PTN: variants seen among roughly 807,000 people sequenced by gnomAD.
PTN encodes the protein pleiotrophin.
Under a neutral mutation model 24.1 loss-of-function variants are expected in PTN, and 18 were observed. That is an observed-to-expected ratio of 0.75 (90% CI 0.52 to 1.11). PTN has a LOEUF of 1.11. Among genes scored for constraint, PTN ranks in the 50% least tolerant of loss-of-function variants. PTN has a pLI of 0.00. For synonymous variants in PTN, 78 were observed against 68.6 expected (o/e 1.14, Z -0.67); for missense variants, 163 against 198.8 (o/e 0.82, Z 1.08).
Position 137,227,889 on chromosome 7 carries a change from C to G in PTN, c.*131G>C. On this transcript the variant is annotated 3_prime_UTR_variant, in exon 5 of 5. Transcript: ENST00000348225. ...AACGCTACTACAAAAATTTTCTTTT[C>G]TTTTTGTTTTTGCTTATTGTGTACT... The G allele has an allele frequency of 7.7e-7, 1 of 1,298,450 alleles. No homozygotes were observed. The highest frequency in any genetic ancestry group is 2.5e-5 in the East Asian group (1 of 39,686). The allele number at this position is 1,298,450 out of a possible 1,614,324, so 80.4% of individuals were successfully genotyped here. A position where few individuals can be genotyped will look rare whatever the true frequency, so the allele number is the denominator to read the frequency against.
chr7:137,323,285 C>T (rs774272307), intron 1 of PTN, among the ~76,000 whole-genome samples: 7 of 152,160 alleles, frequency 4.6e-5, no homozygotes, highest in Non-Finnish European at 1.0e-4. Context: ...AACTAGAAAG[C>T]AAATTTGTTA....
intron 1 of PTN, among the ~76,000 whole-genome samples, chr7:137,262,636 C>T (rs1016052069): frequency 6.6e-6 from 1 of 152,096 alleles, no homozygotes; most frequent in Non-Finnish European, 1.5e-5. Flanking sequence ...TGCTCAACTT[C>T]TGTCCCTTTT....
chr7:137,324,875 T>C (rs1295871743), intron 1 of PTN: 1 of 152,172 alleles, frequency 6.6e-6, no homozygotes, highest in South Asian at 2.1e-4. Flanking sequence ...AATTTGTGAA[T>C]AGTAAAATAT....
chr7:137,236,240 T>A (rs1808518784), intron 4 of PTN: 1 of 702,364 alleles, frequency 1.4e-6, no homozygotes, highest in Non-Finnish European at 2.6e-6. Flanking sequence ...CATTTTCCCT[T>A]CTCTATAAGA....
chr7:137,341,512 G>A (rs1810533769), intron 1 of PTN, among the ~76,000 whole-genome samples: 1 of 149,072 alleles, frequency 6.7e-6, no homozygotes, highest in Non-Finnish European at 1.5e-5. Context: ...AATATAGTTA[G>A]GTATACCTTA....
At chr7:137,259,080 G>A (rs1808986321) in intron 1 of PTN, among the ~76,000 whole-genome samples, 1 of 152,056 alleles carries the variant, frequency 6.6e-6, no homozygotes, top group Non-Finnish European at 1.5e-5. Context: ...ATATTTGGGT[G>A]CTGGTGTCTG....
Position 137,343,463 on chromosome 7 carries a change from G to A in PTN, c.-26C>T, listed in dbSNP as rs771870885. ...CTTTGAGTTGGAAACGTCCTCTCTG[G>A]CGCTCAGTCTGCCTTTGTTGCAAGG... On this transcript the variant is annotated 5_prime_UTR_variant, in exon 1 of 5. Transcript: ENST00000348225. The A allele has an allele frequency of 5.8e-6, 3 of 518,058 alleles. No individual in the cohort carries two copies. The highest frequency in any genetic ancestry group is 1.2e-5 in the Non-Finnish European group (3 of 259,516). The allele number at this position is 518,058 out of a possible 1,614,324, so 32.1% of individuals were successfully genotyped here. A position where few individuals can be genotyped will look rare whatever the true frequency, so the allele number is the denominator to read the frequency against.
intron 4 of PTN, among the ~76,000 whole-genome samples, chr7:137,247,429 A>G (rs1467469185): frequency 2.6e-5 from 4 of 152,234 alleles, no homozygotes; most frequent in African/African-American, 7.2e-5. Context: ...AAAGAGAAAC[A>G]TTGCGTGTAC....
chr7:137,253,491 G>C lies in PTN; in HGVS notation c.262C>G (p.Pro88Ala), dbSNP rs1808864645. The C allele has an allele frequency of 2.5e-6, 4 of 1,610,008 alleles. No homozygotes were observed. In the South Asian group the frequency reaches 4.4e-5, roughly 18 times the overall value. Residue 88 changes from proline to alanine, a missense_variant, in exon 3 of 5, where the codon CCC becomes GCC. By Grantham distance (27) the Pro-to-Ala change is conservative. Coordinates refer to ENST00000348225, the MANE Select transcript of PTN (RefSeq NM_002825.7). ...CCAAATTGCTTCTTCCAGTTGCAGGGGATCTTACATCTCTGGGTCTTCATG... is the reference window on the plus strand; with the variant it reads ...CCAAATTGCTTCTTCCAGTTGCAGGCGATCTTACATCTCTGGGTCTTCATG... ...QTMKTQRCKI[P>A]CNWKKQFGAE...
At chr7:137,312,993 T>C (rs565354475) in intron 1 of PTN, among the ~76,000 whole-genome samples, 1 of 152,260 alleles carries the variant, frequency 6.6e-6, no homozygotes, top group South Asian at 2.1e-4. Flanking sequence ...AGGTGTTATT[T>C]ATATGTGGTT....
At position 137,249,423 on chromosome 7, in the gene PTN, A is replaced by G. The variant is rs189167668; in HGVS notation, c.451+1807T>C. Among the ~76,000 whole-genome samples the G allele has an allele frequency of 1.2e-4, 18 of 152,208 alleles. 1 individual carries two copies. Among genetic ancestry groups the G allele is most frequent in the Admixed American group, 1.0e-3 (16 of 15,276 alleles). ...GAGATGCATTCACAATTTTTAAACT[A>G]CTGATGCTGATTGGGTTAGTCTGTG... On this transcript the variant is annotated intron_variant, in intron 4 of 4. Coordinates refer to ENST00000348225, the MANE Select transcript of PTN (RefSeq NM_002825.7).
At chr7:137,236,140 T>A in intron 4 of PTN, 4 of 701,376 alleles carry the variant, frequency 5.7e-6, no homozygotes, top group Non-Finnish European at 1.0e-5. Context: ...TCAAATCAAC[T>A]CACCAGTTGC....
chr7:137,287,384 T>C (rs1809573679), intron 1 of PTN, among the ~76,000 whole-genome samples: 1 of 152,168 alleles, frequency 6.6e-6, no homozygotes, highest in Admixed American at 6.5e-5. Flanking sequence ...CGGCTATTGT[T>C]GGTATGACAT....
At chr7:137,335,148 C>T (rs577934984) in intron 1 of PTN, among the ~76,000 whole-genome samples, 7 of 151,220 alleles carry the variant, frequency 4.6e-5, no homozygotes, top group Non-Finnish European at 5.9e-5. Context: ...ACATATGCAA[C>T]TAACCTGCAC....
chr7:137,309,628 T>G (rs541015059), intron 1 of PTN, among the ~76,000 whole-genome samples: 1 of 152,280 alleles, frequency 6.6e-6, no homozygotes, highest in Non-Finnish European at 1.5e-5. Context: ...TTGTTGTCAT[T>G]TCAACAATGC....
At chr7:137,272,429 G>T (rs932775709) in intron 1 of PTN, among the ~76,000 whole-genome samples, 4 of 152,156 alleles carry the variant, frequency 2.6e-5, no homozygotes, top group African/African-American at 9.7e-5. Flanking sequence ...CCAAGGTTTA[G>T]CTCAAGGCTT....
At position 137,227,341 on chromosome 7, in the gene PTN, T is replaced by C. The variant is rs545312003; in HGVS notation, c.*679A>G. 6.6e-6 allele frequency: 1 copy of C among 151,182 alleles called. No homozygotes were observed. The highest frequency in any genetic ancestry group is 6.6e-5 in the Admixed American group (1 of 15,076). 9.4% of individuals were successfully genotyped at this position (151,182 alleles called of 1,614,324 possible). Reference sequence around the variant, plus strand: ...TCACATTATTGAACACAAAAACAACTTTTTTTTTCAGCATCACCTTGATTT... The same window carrying C: ...TCACATTATTGAACACAAAAACAACCTTTTTTTTCAGCATCACCTTGATTT... On this transcript the variant is annotated 3_prime_UTR_variant, in exon 5 of 5. Coordinates refer to ENST00000348225, the MANE Select transcript of PTN (RefSeq NM_002825.7).
intron 1 of PTN, among the ~76,000 whole-genome samples, chr7:137,274,776 CATCAAAG>C (rs534306271): frequency 1.8e-3 from 268 of 152,240 alleles, no homozygotes; most frequent in African/African-American, 6.1e-3. Context: ...TTCATCTTGT[CATCAAAG>C]ATCAAACACA....
At chr7:137,237,319 A>G (rs1217110545) in intron 4 of PTN, among the ~76,000 whole-genome samples, 1 of 152,136 alleles carries the variant, frequency 6.6e-6, no homozygotes, top group Non-Finnish European at 1.5e-5. Flanking sequence ...CAACCCTGAC[A>G]ATACCTTGAT....
Sources: allele counts gnomAD v4.1 joint callset (sites outside exome capture counted in the v4.1 genomes callset), GRCh38; gene constraint gnomAD v4.1.1; transcripts MANE v1.5; gene names NCBI Gene and HGNC (gene_info 2026-07-23, HGNC 2026-07-21).